The following GAB2 variants were observed in gnomAD, a reference collection of about 807,000 sequenced individuals.
The protein encoded by GAB2 is GRB2 associated binding protein 2, also known as GRB2-associated-binding protein 2.
A neutral mutation model predicts 65.5 loss-of-function variants in GAB2; 26 were observed. That is an observed-to-expected ratio of 0.40 (90% CI 0.29 to 0.55). The LOEUF is 0.55. Ranked by LOEUF, GAB2 falls within the 20% of genes least tolerant of loss-of-function variation. The pLI is 0.53. For missense variants in GAB2, 884 were observed against 875.8 expected (o/e 1.01, Z -0.12); for synonymous variants, 321 against 329.6 (o/e 0.97, Z 0.28).
At chr11:78,347,178 G>GT (rs1856205344) in intron 1 of GAB2, among the ~76,000 whole-genome samples, 1 of 152,100 alleles carries the variant, frequency 6.6e-6, no homozygotes, top group Non-Finnish European at 1.5e-5. Flanking sequence ...AAAAAAAGTT[G>GT]TATTTAAAGC....
chr11:78,329,650 A>C (rs1037680206), intron 1 of GAB2, among the ~76,000 whole-genome samples: 2 of 152,242 alleles, frequency 1.3e-5, no homozygotes, highest in African/African-American at 4.8e-5. Flanking sequence ...TTTAGAGGCC[A>C]CAGGGAAATG....
intron 1 of GAB2, among the ~76,000 whole-genome samples, chr11:78,290,088 T>C (rs73496768): frequency 3.3e-5 from 5 of 151,736 alleles, no homozygotes; most frequent in Admixed American, 6.6e-5. Context: ...TCTGGCAAAG[T>C]GCGGGAGACA....
At chr11:78,322,758 G>A (rs1378216277) in intron 1 of GAB2, among the ~76,000 whole-genome samples, 2 of 148,580 alleles carry the variant, frequency 1.3e-5, no homozygotes, top group Non-Finnish European at 3.0e-5. Context: ...CACAATGAGA[G>A]ACCATCTCAC....
chr11:78,410,587 G>T (rs1857114764), intron 1 of GAB2, among the ~76,000 whole-genome samples: 1 of 152,284 alleles, frequency 6.6e-6, no homozygotes, highest in Admixed American at 6.5e-5. Flanking sequence ...ACCCACTACA[G>T]ACCCTGCAGA....
chr11:78,238,150 A>T (rs931613351), intron 3 of GAB2, among the ~76,000 whole-genome samples: 1 of 151,590 alleles, frequency 6.6e-6, no homozygotes, highest in African/African-American at 2.4e-5. Context: ...TATGTAACAA[A>T]CCTGCACATC....
At chr11:78,344,078 A>T (rs541456168) in intron 1 of GAB2, among the ~76,000 whole-genome samples, 1 of 152,326 alleles carries the variant, frequency 6.6e-6, no homozygotes, top group East Asian at 1.9e-4. Flanking sequence ...AAGGAGTTAC[A>T]AAGTTTAACT....
At chr11:78,409,944 C>T in intron 1 of GAB2, among the ~76,000 whole-genome samples, 1 of 151,948 alleles carries the variant, frequency 6.6e-6, no homozygotes, top group East Asian at 1.9e-4. Context: ...ACAATGAATT[C>T]CAACTAAAAG....
At chr11:78,405,417 G>A (rs1857031048) in intron 1 of GAB2, among the ~76,000 whole-genome samples, 1 of 152,116 alleles carries the variant, frequency 6.6e-6, no homozygotes, top group Non-Finnish European at 1.5e-5. Flanking sequence ...GGATTTTAAT[G>A]AGAAGACTTG....
At chr11:78,339,878 G>A (rs891670762) in intron 1 of GAB2, among the ~76,000 whole-genome samples, 1 of 152,190 alleles carries the variant, frequency 6.6e-6, no homozygotes, top group South Asian at 2.1e-4. Context: ...CAACTCTAAG[G>A]CCCCTTCCAA....
chr11:78,272,199 G>T (rs1455762536), intron 2 of GAB2, among the ~76,000 whole-genome samples: 1 of 152,208 alleles, frequency 6.6e-6, no homozygotes, highest in African/African-American at 2.4e-5. Context: ...GTGGGGTGCT[G>T]CTGAAAAGAT....
chr11:78,303,701 G>A (rs1005204983), intron 1 of GAB2, among the ~76,000 whole-genome samples: 4 of 152,150 alleles, frequency 2.6e-5, no homozygotes, highest in Admixed American at 1.3e-4. Flanking sequence ...ACCCAAAAAA[G>A]AGAAGTGCTG....
In GAB2 at chr11:78,417,654, T is replaced by A; in HGVS notation, c.67A>T (p.Arg23Trp). Residue 23 changes from arginine (R) to tryptophan (W), a missense_variant, in exon 1 of 10, where the codon AGG becomes TGG. Transcript: ENST00000361507. The stretch of plus-strand genomic sequence containing the variant: ...GCCGCGCCCGCACTCACATAGCGCC[T>A]CAACTTCTTCTCGGGAGGCGATTTC... ...LRKSPPEKKL[R>W]RYAWKKRWFI... 3 of 1,371,596 alleles carry A rather than the reference T, an allele frequency of 2.2e-6. No homozygotes were observed. The highest frequency in any genetic ancestry group is 2.9e-6 in the Non-Finnish European group (3 of 1,038,476). The allele number at this position is 1,371,596 out of a possible 1,614,324, so 85.0% of individuals were successfully genotyped here. A position where few individuals can be genotyped will look rare whatever the true frequency, so the allele number is the denominator to read the frequency against.
At chr11:78,296,713 T>C (rs184404263) in intron 1 of GAB2, among the ~76,000 whole-genome samples, 9 of 152,358 alleles carry the variant, frequency 5.9e-5, no homozygotes, top group African/African-American at 1.7e-4. Flanking sequence ...TTCACTGCCC[T>C]GTCCATGTGA....
intron 1 of GAB2, among the ~76,000 whole-genome samples, chr11:78,287,968 A>G (rs1866532385): frequency 6.6e-6 from 1 of 152,016 alleles, no homozygotes; most frequent in African/African-American, 2.4e-5. Context: ...CTCTTATTCA[A>G]CATATTGCTG....
At chr11:78,286,727 T>C (rs1394320617) in intron 1 of GAB2, among the ~76,000 whole-genome samples, 2 of 152,214 alleles carry the variant, frequency 1.3e-5, no homozygotes, top group Admixed American at 6.5e-5. Flanking sequence ...AGATTCTCTA[T>C]GGTGTGAGTT....
At chr11:78,273,504 T>G (rs1866078976) in intron 2 of GAB2, among the ~76,000 whole-genome samples, 1 of 152,258 alleles carries the variant, frequency 6.6e-6, no homozygotes, top group Non-Finnish European at 1.5e-5. Context: ...TTCTCCCATT[T>G]AGAATGGCTG....
intron 1 of GAB2, among the ~76,000 whole-genome samples, chr11:78,408,504 A>C (rs1857083903): frequency 6.6e-6 from 1 of 152,254 alleles, no homozygotes; most frequent in Non-Finnish European, 1.5e-5. Flanking sequence ...CAAACAAAAA[A>C]TAAAGTGGCA....
chr11:78,417,745 GGGTCGC>G lies in GAB2; in HGVS notation c.-31_-26del, dbSNP rs1857219797. The G allele has an allele frequency of 8.2e-7, 1 of 1,220,640 alleles. No individual in the cohort carries two copies. The highest frequency in any genetic ancestry group is 1.6e-5 in the African/African-American group (1 of 61,576). 75.6% of individuals were successfully genotyped at this position (1,220,640 alleles called of 1,614,324 possible). On this transcript the variant is annotated 5_prime_UTR_variant, in exon 1 of 10. Transcript: ENST00000361507. ...TGCTGCCGGCCTGGAGCCCCCCGCCGGGTCGCGCGGACGAGGGCGCGGGCTCGGGCA... is the reference window on the plus strand; with the variant it reads ...TGCTGCCGGCCTGGAGCCCCCCGCCGGCGGACGAGGGCGCGGGCTCGGGCA...
chr11:78,342,720 T>C (rs527808470), intron 1 of GAB2, among the ~76,000 whole-genome samples: 1 of 152,306 alleles, frequency 6.6e-6, no homozygotes, highest in African/African-American at 2.4e-5. Context: ...CACTTCTTGT[T>C]AGATATCACA....
Sources: gnomAD v4.1 joint callset for allele counts (sites outside exome capture counted in the v4.1 genomes callset) on GRCh38, gnomAD v4.1.1 for gene constraint, MANE v1.5 for transcripts, NCBI Gene and HGNC (gene_info 2026-07-23, HGNC 2026-07-21) for gene names.